Variants in AGBL4 observed in about 807,000 individuals in gnomAD.
The protein encoded by AGBL4 is cytosolic carboxypeptidase 6.
In AGBL4, 58 loss-of-function variants were observed where a neutral mutation model predicts 66.4. The ratio of observed to expected loss-of-function variants is 0.87; its 90% CI spans 0.71 to 1.09. The LOEUF is 1.09. AGBL4 is among the 50% of genes least tolerant of loss of function. AGBL4 has a pLI of 0.00. For synonymous variants in AGBL4, 234 were observed against 222.9 expected (o/e 1.05, Z -0.44); for missense variants, 579 against 631.0 (o/e 0.92, Z 0.88).
intron 5 of AGBL4, among the ~76,000 whole-genome samples, chr1:49,009,604 A>G (rs1662209063): frequency 6.6e-6 from 1 of 152,106 alleles, no homozygotes; most frequent in African/African-American, 2.4e-5. Flanking sequence ...AATATCCTTG[A>G]TGAATATTGA....
chr1:49,767,401 G>A (rs868066341), intron 2 of AGBL4, among the ~76,000 whole-genome samples: 5 of 151,946 alleles, frequency 3.3e-5, no homozygotes, highest in African/African-American at 4.8e-5. Context: ...AAAAAATTAT[G>A]TGAAATAGAT....
At chr1:48,846,226 G>A (rs942529611) in intron 6 of AGBL4, among the ~76,000 whole-genome samples, 21 of 152,170 alleles carry the variant, frequency 1.4e-4, no homozygotes, top group Admixed American at 1.4e-3. Context: ...TTAAAAGAAA[G>A]GGGCCTGCTA....
At chr1:49,932,330 C>A (rs1207628589) in intron 1 of AGBL4, among the ~76,000 whole-genome samples, 1 of 151,936 alleles carries the variant, frequency 6.6e-6, no homozygotes, top group Non-Finnish European at 1.5e-5. Context: ...AACTTCAATC[C>A]CTATGTGGCA....
At chr1:48,768,461 G>A (rs1644642809) in intron 6 of AGBL4, among the ~76,000 whole-genome samples, 2 of 152,120 alleles carry the variant, frequency 1.3e-5, no homozygotes, top group African/African-American at 4.8e-5. Context: ...AATCTGAGGA[G>A]GATAAACATT....
chr1:48,911,302 C>T (rs371017027), intron 5 of AGBL4, among the ~76,000 whole-genome samples: 7 of 152,140 alleles, frequency 4.6e-5, no homozygotes. Flanking sequence ...ATCTCTCTGT[C>T]TTCTTGTCTA....
intron 5 of AGBL4, among the ~76,000 whole-genome samples, chr1:48,898,950 T>C (rs939354211): frequency 3.3e-5 from 5 of 152,204 alleles, no homozygotes; most frequent in African/African-American, 1.2e-4. Context: ...GGAGCGCCCA[T>C]GGTACCTCCT....
intron 6 of AGBL4, among the ~76,000 whole-genome samples, chr1:48,792,814 A>T (rs1645583338): frequency 6.6e-6 from 1 of 152,156 alleles, no homozygotes; most frequent in Non-Finnish European, 1.5e-5. Context: ...GCATTGCTGG[A>T]GTATGGTGCT....
chr1:49,992,473 T>C (rs958245237), intron 1 of AGBL4, among the ~76,000 whole-genome samples: 1 of 151,922 alleles, frequency 6.6e-6, no homozygotes, highest in African/African-American at 2.4e-5. Flanking sequence ...TCTCATTTAG[T>C]TCCCTATGTA....
chr1:48,858,809 A>G (rs1448956883), intron 6 of AGBL4, among the ~76,000 whole-genome samples: 1 of 152,204 alleles, frequency 6.6e-6, no homozygotes, highest in African/African-American at 2.4e-5. Context: ...TATCACTTTA[A>G]TGAGGATTTT....
chr1:48,894,756 T>TAAG (rs1267594228), intron 5 of AGBL4, among the ~76,000 whole-genome samples: 1 of 152,192 alleles, frequency 6.6e-6, no homozygotes, highest in Non-Finnish European at 1.5e-5. Flanking sequence ...AGGCAAATTT[T>TAAG]AAGTTTGATT....
At chr1:49,739,537 T>G (rs1366610871) in intron 2 of AGBL4, among the ~76,000 whole-genome samples, 1 of 152,112 alleles carries the variant, frequency 6.6e-6, no homozygotes. Flanking sequence ...AACATTCAGA[T>G]TCAGGAAATA....
rs1645987210 is a variant in AGBL4 at position 48,808,800 on chromosome 1, T to G, written c.634+58391A>C. Among the ~76,000 whole-genome samples, 6 of 152,120 alleles carry G rather than the reference T, an allele frequency of 3.9e-5. No homozygotes were observed. The South Asian group carries it at 1.2e-3, about 32-fold the overall frequency. On this transcript the variant is annotated intron_variant, in intron 6 of 13. Transcript: ENST00000371839. ...GCTGGCCTTGAGTAGGCACTTTCTC[T>G]CCCTGGAGCCGTAGAAGGGCTAATA...
At chr1:49,212,834 A>C (rs1037690617) in intron 4 of AGBL4, among the ~76,000 whole-genome samples, 1 of 152,146 alleles carries the variant, frequency 6.6e-6, no homozygotes, top group Admixed American at 6.5e-5. Context: ...GTTTTCTATT[A>C]ATTAACAGCA....
At chr1:49,978,677 T>C (rs1028883489) in intron 1 of AGBL4, among the ~76,000 whole-genome samples, 2 of 152,178 alleles carry the variant, frequency 1.3e-5, no homozygotes, top group African/African-American at 4.8e-5. Flanking sequence ...AACACACATA[T>C]ACCATTTTAG....
intron 4 of AGBL4, among the ~76,000 whole-genome samples, chr1:49,084,708 C>G (rs1644873043): frequency 6.6e-6 from 1 of 152,146 alleles, no homozygotes; most frequent in Admixed American, 6.5e-5. Flanking sequence ...TGTCTGGTAA[C>G]CTGGGATCTT....
chr1:50,011,945 G>A (rs1661567396), intron 1 of AGBL4, among the ~76,000 whole-genome samples: 1 of 152,048 alleles, frequency 6.6e-6, no homozygotes, highest in Admixed American at 6.5e-5. Context: ...GGATCATGAG[G>A]TCAGGAGATC....
At chr1:49,190,434 A>G (rs1306164574) in intron 4 of AGBL4, among the ~76,000 whole-genome samples, 1 of 152,266 alleles carries the variant, frequency 6.6e-6, no homozygotes, top group South Asian at 2.1e-4. Flanking sequence ...CTTTTTATCA[A>G]TCATGTTAAT....
intron 5 of AGBL4, among the ~76,000 whole-genome samples, chr1:48,950,384 C>T (rs1483152421): frequency 6.6e-6 from 1 of 152,202 alleles, no homozygotes; most frequent in Non-Finnish European, 1.5e-5. Flanking sequence ...AGGCGTGAGC[C>T]ACCGCACCTG....
At chr1:49,528,618 T>C (rs958318620) in intron 3 of AGBL4, among the ~76,000 whole-genome samples, 3 of 151,900 alleles carry the variant, frequency 2.0e-5, no homozygotes, top group Admixed American at 6.6e-5. Context: ...GGCCAGAAAA[T>C]AGTCAAACAT....
Sources: allele counts gnomAD v4.1 joint callset (sites outside exome capture counted in the v4.1 genomes callset), GRCh38; gene constraint gnomAD v4.1.1; transcripts MANE v1.5; gene names NCBI Gene and HGNC (gene_info 2026-07-23, HGNC 2026-07-21).